Variants in AUTS2 observed in about 807,000 individuals in gnomAD.
The protein encoded by AUTS2 is autism susceptibility gene 2 protein.
A neutral mutation model predicts 112.4 loss-of-function variants in AUTS2; 17 were observed. The ratio of observed to expected loss-of-function variants is 0.15; its 90% CI spans 0.10 to 0.23. AUTS2 has a LOEUF of 0.23. Ranked by LOEUF, AUTS2 falls within the 10% of genes least tolerant of loss-of-function variation. The pLI is 1.00. For synonymous variants in AUTS2, 751 were observed against 702.7 expected, an observed-to-expected ratio of 1.07 and a Z score of -1.09; for missense variants, 1,510 against 1,701.6, an observed-to-expected ratio of 0.89 and a Z score of 1.98.
chr7:70,034,692 A>G (rs1382709180), intron 2 of AUTS2, among the ~76,000 whole-genome samples: 1 of 152,206 alleles, frequency 6.6e-6, no homozygotes, highest in Admixed American at 6.5e-5. Flanking sequence ...TACAAATGAC[A>G]GGATTGCAAA....
intron 1 of AUTS2, among the ~76,000 whole-genome samples, chr7:69,667,182 C>T (rs1210680819): frequency 2.6e-5 from 4 of 152,028 alleles, no homozygotes; most frequent in African/African-American, 9.7e-5. Flanking sequence ...ATCCCTACTC[C>T]CACAATAACC....
intron 2 of AUTS2, among the ~76,000 whole-genome samples, chr7:69,997,337 G>A (rs1474270327): frequency 2.0e-5 from 3 of 152,146 alleles, no homozygotes; most frequent in African/African-American, 7.2e-5. Context: ...CTTTTCACGT[G>A]ATGGTCACAA....
chr7:70,509,243 C>T (rs1330094182), intron 5 of AUTS2, among the ~76,000 whole-genome samples: 1 of 152,196 alleles, frequency 6.6e-6, no homozygotes, highest in African/African-American at 2.4e-5. Flanking sequence ...ACCAAGGCAC[C>T]ATTCCTGCCC....
intron 5 of AUTS2, among the ~76,000 whole-genome samples, chr7:70,661,646 G>A (rs532494448): frequency 1.3e-5 from 2 of 152,142 alleles, no homozygotes; most frequent in South Asian, 4.2e-4. Flanking sequence ...CTGGTGTAGA[G>A]CAGTTAGAAC....
At chr7:70,038,548 G>C (rs1170762130) in intron 2 of AUTS2, among the ~76,000 whole-genome samples, 1 of 152,064 alleles carries the variant, frequency 6.6e-6, no homozygotes, top group African/African-American at 2.4e-5. Context: ...TTTAAATGTA[G>C]AAGAATATAT....
chr7:70,573,153 T>TA (rs1387394456), intron 5 of AUTS2, among the ~76,000 whole-genome samples: 1 of 152,216 alleles, frequency 6.6e-6, no homozygotes, highest in African/African-American at 2.4e-5. Context: ...GGCCTATTGA[T>TA]AGATTTGCCT....
intron 2 of AUTS2, among the ~76,000 whole-genome samples, chr7:69,966,230 T>G (rs756874473): frequency 6.6e-6 from 1 of 152,206 alleles, no homozygotes; most frequent in South Asian, 2.1e-4. Flanking sequence ...ACATCTTCGA[T>G]GCTTCTGCAA....
Position 70,786,966 on chromosome 7 carries a change from C to G in AUTS2, c.2309-243C>G, listed in dbSNP as rs534749997. 1.0e-5 allele frequency: 6 copies of G among 589,062 alleles called. No homozygotes were observed. In the Admixed American group the frequency reaches 1.2e-4, roughly 12 times the overall value. 36.5% of individuals were successfully genotyped at this position (589,062 alleles called of 1,614,324 possible). On this transcript the variant is annotated intron_variant, in intron 17 of 18. Transcript: ENST00000342771. ...CCATTTGGTCCCTTTTCCTTTTTAA[C>G]TTCCCCTGTCCCCACCTTTGCTTTT...
intron 5 of AUTS2, among the ~76,000 whole-genome samples, chr7:70,468,625 A>G (rs1258141165): frequency 6.6e-6 from 1 of 152,152 alleles, no homozygotes; most frequent in African/African-American, 2.4e-5. Context: ...ATACATTGCG[A>G]AATTTTTAAA....
chr7:70,308,787 AT>A (rs889806324), intron 4 of AUTS2, among the ~76,000 whole-genome samples: 4 of 151,864 alleles, frequency 2.6e-5, no homozygotes, highest in East Asian at 3.9e-4. Flanking sequence ...ACACATATTA[AT>A]TTTTTTTTGT....
At chr7:70,000,529 A>G (rs953709820) in intron 2 of AUTS2, among the ~76,000 whole-genome samples, 6 of 152,182 alleles carry the variant, frequency 3.9e-5, no homozygotes, top group Non-Finnish European at 7.4e-5. Flanking sequence ...CTTTAATAAC[A>G]GAGTTGATTG....
chr7:70,027,870 A>T (rs1299123659), intron 2 of AUTS2, among the ~76,000 whole-genome samples: 1 of 94,302 alleles, frequency 1.1e-5, no homozygotes, highest in Non-Finnish European at 2.0e-5. Flanking sequence ...GACCCACTCT[A>T]ATTTGCTTTA....
At chr7:70,173,286 G>A (rs1263101118) in intron 4 of AUTS2, among the ~76,000 whole-genome samples, 6 of 151,806 alleles carry the variant, frequency 4.0e-5, no homozygotes, top group Non-Finnish European at 8.8e-5. Context: ...GCGTGAACCC[G>A]GGAGGCGGAG....
intron 5 of AUTS2, among the ~76,000 whole-genome samples, chr7:70,514,206 T>C (rs996918271): frequency 6.6e-6 from 1 of 152,222 alleles, no homozygotes; most frequent in Non-Finnish European, 1.5e-5. Flanking sequence ...TTTAGATTGT[T>C]TTTCATTTTT....
intron 1 of AUTS2, among the ~76,000 whole-genome samples, chr7:69,890,336 CTT>C (rs1039333144): frequency 6.6e-6 from 1 of 152,134 alleles, no homozygotes; most frequent in African/African-American, 2.4e-5. Context: ...GTTTTGTTTT[CTT>C]TTTGTTTTGT....
chr7:70,283,567 C>A (rs1297180161), intron 4 of AUTS2, among the ~76,000 whole-genome samples: 1 of 152,024 alleles, frequency 6.6e-6, no homozygotes, highest in Non-Finnish European at 1.5e-5. Flanking sequence ...TGTATGTATA[C>A]ACACACATAT....
At chr7:70,658,366 A>C (rs1215835160) in intron 5 of AUTS2, among the ~76,000 whole-genome samples, 1 of 152,210 alleles carries the variant, frequency 6.6e-6, no homozygotes, top group East Asian at 1.9e-4. Flanking sequence ...CCTCATGCAC[A>C]GAGGAAGTAG....
At chr7:69,651,234 T>G (rs1180283124) in intron 1 of AUTS2, among the ~76,000 whole-genome samples, 2 of 152,198 alleles carry the variant, frequency 1.3e-5, no homozygotes, top group South Asian at 2.1e-4. Context: ...CATACTCTGC[T>G]GTTGACACCT....
intron 2 of AUTS2, among the ~76,000 whole-genome samples, chr7:70,107,335 C>CTTTTTTT (rs35066322): frequency 4.5e-4 from 44 of 96,948 alleles, no homozygotes; most frequent in Non-Finnish European, 6.1e-4. Flanking sequence ...AGATGAGAAG[C>CTTTTTTT]TTTTTTTTTT....
Sources: gnomAD v4.1 joint callset for allele counts (sites outside exome capture counted in the v4.1 genomes callset) on GRCh38, gnomAD v4.1.1 for gene constraint, MANE v1.5 for transcripts, NCBI Gene and HGNC (gene_info 2026-07-23, HGNC 2026-07-21) for gene names.